EHD1: variants seen among roughly 807,000 people sequenced by gnomAD.
EHD1 encodes the protein EH domain containing 1.
A neutral mutation model predicts 39.0 loss-of-function variants in EHD1; 19 were observed. That is an observed-to-expected ratio of 0.49 (90% CI 0.34 to 0.72). The LOEUF (loss-of-function observed/expected upper bound fraction) is 0.72, where lower values mean the gene tolerates loss of function less well. Among genes scored for constraint, EHD1 ranks in the 30% least tolerant of loss-of-function variants. The pLI is 0.01. For synonymous variants in EHD1, 323 were observed against 331.2 expected, an observed-to-expected ratio of 0.98 and a Z score of 0.27; for missense variants, 542 against 751.5, an observed-to-expected ratio of 0.72 and a Z score of 3.26.
intron 1 of EHD1, among the ~76,000 whole-genome samples, chr11:64,876,620 C>T (rs148694106): frequency 1.5e-4 from 23 of 152,366 alleles, no homozygotes; most frequent in African/African-American, 5.5e-4. Flanking sequence ...GTGACTTCCA[C>T]ACATCAGCCA....
chr11:64,860,384 C>T (rs1943702591), intron 2 of EHD1, 48 bp from the exon 3 acceptor site: 5 of 1,562,096 alleles, frequency 3.2e-6, no homozygotes, highest in Non-Finnish European at 4.3e-6. Context: ...GGACCTGCTG[C>T]TCTGATGGCT....
In EHD1 at chr11:64,878,056, G is replaced by T. The variant is rs1943904962; in HGVS notation, c.404+5C>A. 6.6e-7 allele frequency: 1 copy of T among 1,508,462 alleles called. No homozygotes were observed. Among genetic ancestry groups the T allele is most frequent in the Non-Finnish European group, 8.8e-7 (1 of 1,133,720 alleles). 93.4% of individuals were successfully genotyped at this position (1,508,462 alleles called of 1,614,324 possible). A position where few individuals can be genotyped will look rare whatever the true frequency, so the allele number is the denominator to read the frequency against. ...CCCCCGCCCCCTGGAGTGATGGGTG[G>T]GTACCTGTTGAGGAAAGCGTTGCCA... On this transcript the variant is annotated splice_donor_5th_base_variant and intron_variant, in intron 1 of 4. Coordinates refer to ENST00000320631, the MANE Select transcript of EHD1 (RefSeq NM_006795.4).
At position 64,878,524 on chromosome 11, in the gene EHD1, G is replaced by A; in HGVS notation, c.-60C>T. ...AGCGGCGGCTGAGAGCGGGGCGAGG[G>A]TGCGGAGCCGAGGCGGGGCCGGCCG... is the stretch of plus-strand genomic sequence containing the variant. On this transcript the variant is annotated 5_prime_UTR_variant, in exon 1 of 5. Coordinates refer to ENST00000320631, the MANE Select transcript of EHD1 (RefSeq NM_006795.4). The A allele has an allele frequency of 6.6e-7, 1 of 1,518,528 alleles. No homozygotes were observed. Among genetic ancestry groups the A allele is most frequent in the Non-Finnish European group, 8.8e-7 (1 of 1,137,290 alleles). The allele number at this position is 1,518,528 out of a possible 1,614,324, so 94.1% of individuals were successfully genotyped here.
At position 64,854,737 on chromosome 11, in the gene EHD1, C is replaced by A; in HGVS notation, c.1201G>T (p.Glu401Ter). ...ACCACCTGGGAAGGCATCAGGGACTCCTCCTGCCGCACCATCACCATCAGC... is the reference window on the plus strand; with the variant it reads ...ACCACCTGGGAAGGCATCAGGGACTACTCCTGCCGCACCATCACCATCAGC... The part of the protein sequence containing the change: ...ARLMVMVRQE[E>*]SLMPSQVVKG... The change falls in exon 5 of 5, where the codon GAG becomes TAG. Residue 401 changes from glutamate (E) to a stop codon, truncating the protein, a stop_gained. Coordinates refer to ENST00000320631, the MANE Select transcript of EHD1 (RefSeq NM_006795.4). LOFTEE classifies it high-confidence loss of function. 3 of 1,612,006 alleles carry A rather than the reference C, an allele frequency of 1.9e-6. No individual in the cohort carries two copies. Among genetic ancestry groups the A allele is most frequent in the East Asian group, 2.2e-5 (1 of 44,864 alleles).
chr11:64,877,393 A>C (rs1006254525), intron 1 of EHD1, among the ~76,000 whole-genome samples: 5 of 152,152 alleles, frequency 3.3e-5, no homozygotes, highest in Non-Finnish European at 5.9e-5. Context: ...CCAGAATCTC[A>C]TTGCAGGGCT....
In EHD1 at chr11:64,855,229, C is replaced by G. The variant is rs549765696; in HGVS notation, c.1080+93G>C. ...GCTTCCGTTCAGGGAGGCCCTTCCC[C>G]ATGGAGATGGGATTCCCTCCAAATC... On this transcript the variant is annotated intron_variant, in intron 4 of 4. Transcript: ENST00000320631. 2.7e-3 allele frequency: 4,086 copies of G among 1,497,632 alleles called. 6 individuals carry two copies. Among genetic ancestry groups the G allele is most frequent in the Non-Finnish European group, 3.4e-3 (3,819 of 1,127,776 alleles). The allele number at this position is 1,497,632 out of a possible 1,614,324, so 92.8% of individuals were successfully genotyped here. A position where few individuals can be genotyped will look rare whatever the true frequency, so the allele number is the denominator to read the frequency against.
chr11:64,879,084 C>G (rs1047042148), upstream of EHD1: 3 of 999,564 alleles, frequency 3.0e-6, no homozygotes. Flanking sequence ...TCGGAGTACC[C>G]CCAGGCGGCG....
In EHD1 at chr11:64,855,436, A is replaced by G; in HGVS notation, c.966T>C (p.Phe322=). 2 of 1,613,968 alleles carry G rather than the reference A, an allele frequency of 1.2e-6. No individual in the cohort carries two copies. The highest frequency in any genetic ancestry group is 1.7e-6 in the Non-Finnish European group (2 of 1,180,000). Reference sequence around the variant, plus strand: ...GCTCTTTCTTTTTGCTCTCTTTACCAAAGACATTGGGCATCTCTTTCTTGA... The same window carrying G: ...GCTCTTTCTTTTTGCTCTCTTTACCGAAGACATTGGGCATCTCTTTCTTGA... The part of the protein sequence containing the change: ...SSLKKEMPNV[F]GKESKKKELV... Residue 322 remains phenylalanine, a synonymous_variant, in exon 4 of 5, where the codon TTT becomes TTC. Transcript: ENST00000320631.
Position 64,854,342 on chromosome 11 carries a change from T to A in EHD1, c.1596A>T (p.Arg532Ser), listed in dbSNP as rs1943619380. ...GCGGGGCCGGGCGCCATCACTCATG[T>A]CTGCGCTTGGAGGGCGGCACCAGGT... Reference protein sequence around the residue: ...PPHLVPPSKRRHE With the variant: ...PPHLVPPSKRSHE The change falls in exon 5 of 5, where the codon AGA becomes AGT. Residue 532 changes from arginine (R) to serine (S), a missense_variant. Transcript: ENST00000320631. The A allele has an allele frequency of 1.9e-6, 3 of 1,607,478 alleles. No individual in the cohort carries two copies. In the East Asian group the frequency reaches 6.7e-5, roughly 36 times the overall value.
chr11:64,854,700 G>A lies in EHD1; in HGVS notation c.1238C>T (p.Ala413Val), dbSNP rs1467264055. The change falls in exon 5 of 5, where the codon GCC (alanine) becomes GTC (valine). Residue 413 changes from alanine (A) to valine (V), a missense_variant. By Grantham distance (64) the Ala-to-Val change is moderately conservative. Coordinates refer to ENST00000320631, the MANE Select transcript of EHD1 (RefSeq NM_006795.4). ...CGGCCCGTTCATGGTGCCGTCAAAG[G>A]CGCCGCCCTTGACCACCTGGGAAGG... ...LMPSQVVKGG[A>V]FDGTMNGPFG... 8 of 1,613,294 alleles carry A rather than the reference G, an allele frequency of 5.0e-6. No homozygotes were observed. The East Asian group carries it at 1.8e-4, about 36-fold the overall frequency.
chr11:64,856,388 C>T (rs1229853091), intron 3 of EHD1: 1 of 152,302 alleles, frequency 6.6e-6, no homozygotes, highest in Non-Finnish European at 1.5e-5. Context: ...TTGAAAAATC[C>T]CAAAAAGGCT....
Position 64,878,170 on chromosome 11 carries a change from C to A in EHD1, c.295G>T (p.Ala99Ser), listed in dbSNP as rs1396188944. 3.7e-6 allele frequency: 6 copies of A among 1,605,348 alleles called. 1 individual carries two copies. The highest frequency in any genetic ancestry group is 3.3e-4 in the Middle Eastern group (2 of 6,042). Residue 99 changes from alanine to serine, a missense_variant, in exon 1 of 5, where the codon GCC (alanine) becomes TCC (serine). Coordinates refer to ENST00000320631, the MANE Select transcript of EHD1 (RefSeq NM_006795.4). The stretch of plus-strand genomic sequence containing the variant: ...CCCTCAGTGGGGCCGTGCATGACGG[C>A]GATGAAGGAGTCGGTGGTGGGCTCG... ...GPEPTTDSFI[A>S]VMHGPTEGVV...
rs750045354 is a variant in EHD1 at position 64,868,024 on chromosome 11, C to T, written c.502+6397G>A. 1.3e-5 allele frequency among the ~76,000 whole-genome samples: 2 copies of T among 152,220 alleles called. No individual in the cohort carries two copies. Among genetic ancestry groups the T allele is most frequent in the Non-Finnish European group, 2.9e-5 (2 of 68,038 alleles). Reference sequence around the variant, plus strand: ...CTGAGAACAGCTGGACCATGTTTCCCGCCAGCACAGAAGGGGAAGAGGGAG... The same window carrying T: ...CTGAGAACAGCTGGACCATGTTTCCTGCCAGCACAGAAGGGGAAGAGGGAG... On this transcript the variant is annotated intron_variant, in intron 2 of 4. Coordinates refer to ENST00000320631, the MANE Select transcript of EHD1 (RefSeq NM_006795.4). This position sits in a 1 kb window ranked among gnomAD's most constrained non-coding sequence, Gnocchi z 4.2.
rs1421593406 is a variant in EHD1 at position 64,868,989 on chromosome 11, G to A, written c.502+5432C>T. 1.3e-5 allele frequency among the ~76,000 whole-genome samples: 2 copies of A among 152,310 alleles called. No homozygotes were observed. Among genetic ancestry groups the A allele is most frequent in the East Asian group, 1.9e-4 (1 of 5,180 alleles). ...GTAGGTTTCCAGCTTGGAGGGCCGC[G>A]GGAGGATGGAGTGAGCCTGGCACAC... On this transcript the variant is annotated intron_variant, in intron 2 of 4. Transcript: ENST00000320631. This position sits in a 1 kb window ranked among gnomAD's most constrained non-coding sequence, Gnocchi z 4.2.
upstream of EHD1, chr11:64,878,666 A>G (rs1025696966): frequency 6.9e-6 from 9 of 1,313,472 alleles, no homozygotes; most frequent in East Asian, 1.3e-4. Context: ...TCGGTCCCTC[A>G]GTGGCGGCTA....
At chr11:64,872,445 A>G (rs1227149527) in intron 2 of EHD1, among the ~76,000 whole-genome samples, 1 of 152,166 alleles carries the variant, frequency 6.6e-6, no homozygotes, top group Non-Finnish European at 1.5e-5. Flanking sequence ...TGGGCGATAG[A>G]GCGACACTCT....
At chr11:64,855,693 T>C in intron 3 of EHD1, 1 of 654,908 alleles carries the variant, frequency 1.5e-6, no homozygotes, top group Admixed American at 3.0e-5. Flanking sequence ...AGCTGTCCAC[T>C]GCCACAGGAC....
chr11:64,879,021 G>A, upstream of EHD1: 1 of 995,910 alleles, frequency 1.0e-6, no homozygotes, highest in Non-Finnish European at 1.2e-6. Context: ...TACGCGCCGC[G>A]CCCGCCGTTC....
chr11:64,874,580 A>G, intron 1 of EHD1, 62 bp from the exon 2 acceptor site: 1 of 1,339,316 alleles, frequency 7.5e-7, no homozygotes, highest in Non-Finnish European at 1.0e-6. Flanking sequence ...CTCCGGACAC[A>G]ACAAAGGGCT....
Sources: gnomAD v4.1 joint callset for allele counts (sites outside exome capture counted in the v4.1 genomes callset) on GRCh38, gnomAD v4.1.1 for gene constraint, Gnocchi (gnomAD v3.1) non-coding constraint, MANE v1.5 for transcripts, NCBI Gene and HGNC (gene_info 2026-07-23, HGNC 2026-07-21) for gene names.